The following CYFIP1 variants were observed in gnomAD, a reference collection of about 807,000 sequenced individuals.
CYFIP1 encodes cytoplasmic FMR1-interacting protein 1.
Under a neutral mutation model 163.5 loss-of-function variants are expected in CYFIP1, and 58 were observed. That is an observed-to-expected ratio of 0.35 (90% CI 0.29 to 0.44). CYFIP1 has a LOEUF of 0.44. Ranked by LOEUF, CYFIP1 falls within the 20% of genes least tolerant of loss-of-function variation. CYFIP1 has a pLI of 1.00. For missense variants in CYFIP1, 1,338 were observed against 1,653.8 expected (o/e 0.81, Z 3.31); for synonymous variants, 663 against 660.7 (o/e 1.00, Z -0.05).
At chr15:22,947,455 C>T in intron 1 of CYFIP1, 164 bp from the exon 2 acceptor site, 1 of 951,462 alleles carries the variant, frequency 1.1e-6, no homozygotes. Flanking sequence ...GTGTCTCTCT[C>T]AGGGCACGTG....
At chr15:22,980,826 G>C (rs902901453), upstream of CYFIP1, among the ~76,000 whole-genome samples, 2 of 151,976 alleles carry the variant, frequency 1.3e-5, no homozygotes, top group Non-Finnish European at 1.5e-5. Flanking sequence ...CCAGGCGCGG[G>C]TCCCAGCTGC....
chr15:22,909,492 T>C (rs894427644), intron 20 of CYFIP1, among the ~76,000 whole-genome samples, 179 bp from the exon 21 acceptor site: 1 of 152,166 alleles, frequency 6.6e-6, no homozygotes, highest in Non-Finnish European at 1.5e-5. Flanking sequence ...TTACAGGTGT[T>C]ATGACGATAA....
chr15:22,879,144 AAAAAAAG>A (rs2059675407), intron 26 of CYFIP1, among the ~76,000 whole-genome samples: 1 of 152,124 alleles, frequency 6.6e-6, no homozygotes, highest in Non-Finnish European at 1.5e-5. Flanking sequence ...TCAAAAAAAA[AAAAAAAG>A]AAAAAGAAAA....
In CYFIP1 at chr15:22,873,663, A is replaced by G; in HGVS notation, c.3277T>C (p.Phe1093Leu). 1 of 1,614,202 alleles carries G rather than the reference A, an allele frequency of 6.2e-7. No individual in the cohort carries two copies. Among genetic ancestry groups the G allele is most frequent in the Non-Finnish European group, 8.5e-7 (1 of 1,180,024 alleles). The change falls in exon 29 of 31, where the codon TTT becomes CTT. Residue 1093 changes from phenylalanine to leucine, a missense_variant. By Grantham distance (22) the Phe-to-Leu change is conservative. Around this residue, in one of 4 missense-constraint regions of CYFIP1, gnomAD observed 306 missense variants for 322.1 expected, o/e 0.95. Transcript: ENST00000617928. ...KERLCCGLSM[F>L]EVILTRIRSF... Reference sequence around the variant, plus strand: ...CGGATCCGTGTCAGGATGACCTCAAACATGGACAGGCCGCAGCAGAGGCGC... The same window carrying G: ...CGGATCCGTGTCAGGATGACCTCAAGCATGGACAGGCCGCAGCAGAGGCGC...
intron 1 of CYFIP1, among the ~76,000 whole-genome samples, chr15:22,955,207 C>T (rs1937941164): frequency 6.6e-6 from 1 of 152,244 alleles, no homozygotes; most frequent in Non-Finnish European, 1.5e-5. Context: ...CACACAGATG[C>T]AGTCTCAAGA....
intron 6 of CYFIP1, among the ~76,000 whole-genome samples, chr15:22,941,543 G>A (rs1054816435): frequency 4.0e-5 from 6 of 151,748 alleles, no homozygotes; most frequent in Admixed American, 1.3e-4. Context: ...AGCTAGATGC[G>A]TGTGTGTGTG....
At position 22,868,752 on chromosome 15, in the gene CYFIP1, CCTG is replaced by C. The variant is rs2141782285; in HGVS notation, c.*1273_*1275del. 6.6e-6 allele frequency: 1 copy of C among 152,254 alleles called. No homozygotes were observed. Among genetic ancestry groups the C allele is most frequent in the East Asian group, 1.9e-4 (1 of 5,186 alleles). The allele number at this position is 152,254 out of a possible 1,614,324, so 9.4% of individuals were successfully genotyped here. On this transcript the variant is annotated 3_prime_UTR_variant, in exon 31 of 31. Transcript: ENST00000617928. Reference sequence around the variant, plus strand: ...AAGGCCTCCGGAAAAGTAGGCGAGGCCTGCTTTTTATGGCAACTTGGCATCCAT... The same window carrying C: ...AAGGCCTCCGGAAAAGTAGGCGAGGCCTTTTTATGGCAACTTGGCATCCAT...
intron 5 of CYFIP1, among the ~76,000 whole-genome samples, chr15:22,943,780 C>T (rs569673921): frequency 6.6e-6 from 1 of 152,238 alleles, no homozygotes; most frequent in East Asian, 1.9e-4. Flanking sequence ...TGAAGGACAT[C>T]ATCATAAAAA....
intron 6 of CYFIP1, 62 bp downstream of exon 6, chr15:22,943,111 A>C: frequency 6.5e-7 from 1 of 1,529,940 alleles, no homozygotes; most frequent in South Asian, 1.2e-5. Context: ...TGCTGTGCAC[A>C]AGGCAGGCCA....
Position 22,908,601 on chromosome 15 carries a change from C to T in CYFIP1, c.2388+593G>A, listed in dbSNP as rs192302963. On this transcript the variant is annotated intron_variant, in intron 21 of 30. Coordinates refer to ENST00000617928, the MANE Select transcript of CYFIP1 (RefSeq NM_014608.6). ...CTGGAGTGCAGTGGCGCGATCTGGG[C>T]TCACTGCAACCCTGCCTCCTGGATT... Among the ~76,000 whole-genome samples, 10 of 135,586 alleles carry T rather than the reference C, an allele frequency of 7.4e-5. No homozygotes were observed. In the East Asian group the frequency reaches 2.1e-3, roughly 28 times the overall value. The allele number at this position is 135,586 out of a possible 152,430, so 88.9% of individuals were successfully genotyped here.
chr15:22,900,888 G>C (rs967974053), intron 22 of CYFIP1, among the ~76,000 whole-genome samples: 5 of 152,036 alleles, frequency 3.3e-5, no homozygotes, highest in South Asian at 4.2e-4. Context: ...ATTCCAGCTA[G>C]TACCTGCAGA....
At chr15:22,910,926 T>C (rs1363494132) in intron 18 of CYFIP1, 113 bp from the exon 19 acceptor site, 3 of 930,192 alleles carry the variant, frequency 3.2e-6, no homozygotes, top group South Asian at 1.5e-5. Flanking sequence ...TTTTATTTTT[T>C]TGAGACGGAG....
At chr15:22,912,375 C>A in intron 17 of CYFIP1, 100 bp from the exon 18 acceptor site, 1 of 867,802 alleles carries the variant, frequency 1.2e-6, no homozygotes. Flanking sequence ...TTTTCCACCT[C>A]TCACGTAAGG....
chr15:22,898,340 C>T (rs9330234), intron 22 of CYFIP1, among the ~76,000 whole-genome samples: 34,774 of 151,930 alleles, frequency 0.23, 4,310 homozygotes, highest in Admixed American at 0.35. Context: ...TCACTGCAAC[C>T]TCCATGTCCT....
chr15:22,975,819 T>C (rs2063254019), intron 1 of CYFIP1, among the ~76,000 whole-genome samples: 1 of 152,184 alleles, frequency 6.6e-6, no homozygotes, highest in Non-Finnish European at 1.5e-5. Context: ...AACCCCCTCG[T>C]TCACAGGCCA....
At chr15:22,967,961 C>T (rs968517460) in intron 1 of CYFIP1, among the ~76,000 whole-genome samples, 1 of 151,964 alleles carries the variant, frequency 6.6e-6, no homozygotes, top group Admixed American at 6.6e-5. Context: ...TATGGTGAAA[C>T]CCCGTCTCTA....
chr15:22,962,341 G>A lies in CYFIP1; in HGVS notation c.-6-15050C>T, dbSNP rs577887411. On this transcript the variant is annotated intron_variant, in intron 1 of 30. Coordinates refer to ENST00000617928, the MANE Select transcript of CYFIP1 (RefSeq NM_014608.6). ...GTGAGCCCCTGCTCTGCACCCCCAG[G>A]CATCGATCCCCTGCTTTCTTCTGCA... 5.3e-5 allele frequency among the ~76,000 whole-genome samples: 8 copies of A among 151,966 alleles called. No homozygotes were observed. The South Asian group carries it at 1.7e-3, about 32-fold the overall frequency.
intron 6 of CYFIP1, among the ~76,000 whole-genome samples, 191 bp from the exon 7 acceptor site, chr15:22,939,698 A>G (rs752138350): frequency 2.0e-5 from 3 of 152,008 alleles, no homozygotes; most frequent in Non-Finnish European, 2.9e-5. Flanking sequence ...ACTCCAGGTC[A>G]GTCTTCTGCC....
chr15:22,885,219 T>A (rs1172781145), intron 23 of CYFIP1, among the ~76,000 whole-genome samples: 1 of 152,212 alleles, frequency 6.6e-6, no homozygotes, highest in African/African-American at 2.4e-5. Context: ...TCCAAACTTT[T>A]ATACTCTGCT....
Sources: allele counts gnomAD v4.1 joint callset (sites outside exome capture counted in the v4.1 genomes callset), GRCh38; gene constraint gnomAD v4.1.1; regional missense constraint gnomAD v4.1.1; transcripts MANE v1.5; gene names NCBI Gene and HGNC (gene_info 2026-07-23, HGNC 2026-07-21).